PLB1: variants seen among roughly 807,000 people sequenced by gnomAD.
PLB1 encodes the protein phospholipase B1, membrane-associated.
In PLB1, 242 loss-of-function variants were observed where a neutral mutation model predicts 227.4. That is an observed-to-expected ratio of 1.06 (90% CI 0.96 to 1.18). PLB1 has a LOEUF of 1.18. Ranked by LOEUF, PLB1 falls within the 50% of genes most tolerant of loss-of-function variation. The probability of loss-of-function intolerance (pLI) is 0.00; values close to 1 mark genes in which losing one functional copy is unlikely to be tolerated. For missense variants in PLB1, 1,858 were observed against 1,816.3 expected (o/e 1.02, Z -0.42); for synonymous variants, 757 against 682.2 (o/e 1.11, Z -1.71).
At chr2:28,541,185 T>TTAAATAAATAAATAAATAAA (rs35262780) in intron 12 of PLB1, among the ~76,000 whole-genome samples, 2,757 of 150,072 alleles carry the variant, frequency 0.018, 94 homozygotes, top group African/African-American at 0.064. Context: ...AATAAATAAA[T>TTAAATAAATAAATAAATAAA]TAAATAAATA....
intron 17 of PLB1, among the ~76,000 whole-genome samples, chr2:28,554,136 A>G (rs1006074807): frequency 6.6e-6 from 1 of 152,222 alleles, no homozygotes; most frequent in African/African-American, 2.4e-5. Context: ...CCCCTCATAC[A>G]TGGTGCCAAC....
chr2:28,541,671 G>T (rs749541982), intron 12 of PLB1, 36 bp from the exon 13 acceptor site: 2 of 1,555,302 alleles, frequency 1.3e-6, no homozygotes, highest in Non-Finnish European at 1.8e-6. Flanking sequence ...CCTCGCTCAT[G>T]TTCCTGGATG....
intron 3 of PLB1, 24 bp downstream of exon 3, chr2:28,518,556 A>G (rs1669129129): frequency 6.3e-7 from 1 of 1,584,404 alleles, no homozygotes; most frequent in East Asian, 2.2e-5. Context: ...GGCCATGAGC[A>G]GGAAAAGCCT....
At chr2:28,614,503 G>C (rs1482823491) in intron 44 of PLB1, among the ~76,000 whole-genome samples, 2 of 143,790 alleles carry the variant, frequency 1.4e-5, no homozygotes, top group Non-Finnish European at 3.1e-5. Flanking sequence ...GGAAGTGGAG[G>C]CACGTTCATG....
chr2:28,517,948 C>A (rs1379799813), intron 2 of PLB1, among the ~76,000 whole-genome samples: 1 of 150,984 alleles, frequency 6.6e-6, no homozygotes, highest in Non-Finnish European at 1.5e-5. Flanking sequence ...GATCTCAGCT[C>A]ATGGCAGCCT....
chr2:28,571,892 G>C (rs1228803394), intron 20 of PLB1, among the ~76,000 whole-genome samples: 2 of 152,002 alleles, frequency 1.3e-5, no homozygotes, highest in Admixed American at 6.6e-5. Flanking sequence ...AGTCTTCTTA[G>C]ATATGCCACT....
rs1311910316 is a variant in PLB1 at position 28,643,835 on chromosome 2, G to GA, written c.*780dup. 7 of 152,142 alleles carry GA rather than the reference G, an allele frequency of 4.6e-5. No individual in the cohort carries two copies. The highest frequency in any genetic ancestry group is 8.8e-5 in the Non-Finnish European group (6 of 68,006). The allele number at this position is 152,142 out of a possible 1,614,324, so 9.4% of individuals were successfully genotyped here. A position where few individuals can be genotyped will look rare whatever the true frequency, so the allele number is the denominator to read the frequency against. Reference sequence around the variant, plus strand: ...GATTTTCTCAAGGTGCTAAATTTAGGAAAAAATTCCTATTTCTATATGCCC... The same window carrying GA: ...GATTTTCTCAAGGTGCTAAATTTAGGAAAAAAATTCCTATTTCTATATGCCC... On this transcript the variant is annotated 3_prime_UTR_variant, in exon 58 of 58. Coordinates refer to ENST00000327757, the MANE Select transcript of PLB1 (RefSeq NM_153021.5).
intron 17 of PLB1, among the ~76,000 whole-genome samples, chr2:28,562,627 A>G (rs1210030636): frequency 6.6e-6 from 1 of 151,190 alleles, no homozygotes; most frequent in Non-Finnish European, 1.5e-5. Flanking sequence ...GGATGATGTA[A>G]TATTTTATCC....
At chr2:28,619,863 T>C (rs1479704828) in intron 46 of PLB1, among the ~76,000 whole-genome samples, 2 of 152,148 alleles carry the variant, frequency 1.3e-5, no homozygotes, top group Admixed American at 6.5e-5. Flanking sequence ...GGGAGACTCA[T>C]TGAAGGGTCA....
At chr2:28,560,514 T>C (rs1408344561) in intron 17 of PLB1, among the ~76,000 whole-genome samples, 1 of 152,136 alleles carries the variant, frequency 6.6e-6, no homozygotes, top group Non-Finnish European at 1.5e-5. Context: ...TAGCCAGGCA[T>C]AAAAGCTTAT....
chr2:28,570,870 A>G (rs1677896140), intron 20 of PLB1, among the ~76,000 whole-genome samples: 1 of 152,230 alleles, frequency 6.6e-6, no homozygotes, highest in Non-Finnish European at 1.5e-5. Context: ...TTAAGAGCCC[A>G]CAGCTGACAC....
intron 9 of PLB1, among the ~76,000 whole-genome samples, chr2:28,534,292 TTGCTCATTTACTTGACTATG>T (rs1390951076): frequency 6.6e-6 from 1 of 152,254 alleles, no homozygotes; most frequent in African/African-American, 2.4e-5. Context: ...ATGAACAGTC[TTGCTCATTTACTTGACTATG>T]TGGAAGAGTT....
intron 43 of PLB1, among the ~76,000 whole-genome samples, chr2:28,612,537 C>T (rs1558916224): frequency 6.6e-6 from 1 of 151,932 alleles, no homozygotes; most frequent in East Asian, 1.9e-4. Context: ...TCTACAATGC[C>T]AGGCAAGAAC....
At chr2:28,583,535 C>T (rs143476471) in intron 25 of PLB1, among the ~76,000 whole-genome samples, 89 of 152,264 alleles carry the variant, frequency 5.8e-4, no homozygotes, top group African/African-American at 2.0e-3. Context: ...GGGGAAAATT[C>T]CACACCTGAC....
chr2:28,588,366 C>T (rs1558843096), intron 26 of PLB1, among the ~76,000 whole-genome samples: 2 of 152,192 alleles, frequency 1.3e-5, no homozygotes, highest in African/African-American at 4.8e-5. Flanking sequence ...CACAGCACCT[C>T]ACTTCCTTCC....
At chr2:28,552,097 C>T (rs540417813) in intron 16 of PLB1, among the ~76,000 whole-genome samples, 2 of 152,304 alleles carry the variant, frequency 1.3e-5, no homozygotes, top group South Asian at 4.1e-4. Context: ...GCAATTATAG[C>T]ACAATGGTAC....
At chr2:28,597,904 G>A (rs1032532252) in intron 33 of PLB1, 101 bp from the exon 34 acceptor site, 21 of 1,142,962 alleles carry the variant, frequency 1.8e-5, no homozygotes, top group Non-Finnish European at 2.6e-5. Context: ...AGGTGCCGAT[G>A]GGCACTAAGA....
rs187771270 is a variant in PLB1, at chr2:28,638,778, T to C, written c.4099-2149T>C. ...CCTTCCAGACATCCACATAGAGGTA[T>C]CAGGATACAGAAGTTTGGAACTCAC... On this transcript the variant is annotated intron_variant, in intron 56 of 57. Coordinates refer to ENST00000327757, the MANE Select transcript of PLB1 (RefSeq NM_153021.5). Among the ~76,000 whole-genome samples, 253 of 130,602 alleles carry C rather than the reference T, an allele frequency of 1.9e-3. 1 individual carries two copies. Among genetic ancestry groups the C allele is most frequent in the Non-Finnish European group, 2.8e-3 (183 of 65,428 alleles). The allele number at this position is 130,602 out of a possible 152,430, so 85.7% of individuals were successfully genotyped here.
intron 51 of PLB1, 93 bp from the exon 52 acceptor site, chr2:28,628,470 C>T (rs1688118617): frequency 1.8e-6 from 2 of 1,137,050 alleles, no homozygotes; most frequent in Middle Eastern, 1.9e-4. Context: ...CCCACTCAGT[C>T]ATTTAGCCCA....
Sources: gnomAD v4.1 joint callset for allele counts (sites outside exome capture counted in the v4.1 genomes callset) on GRCh38, gnomAD v4.1.1 for gene constraint, MANE v1.5 for transcripts, NCBI Gene and HGNC (gene_info 2026-07-23, HGNC 2026-07-21) for gene names.